LPAR5: variants seen among roughly 807,000 people sequenced by gnomAD.
The protein encoded by LPAR5 is lysophosphatidic acid receptor 5.
For synonymous variants in LPAR5, 271 were observed against 261.6 expected (o/e 1.04, Z -0.35); for missense variants, 544 against 521.8 (o/e 1.04, Z -0.41).
At chr12:6,633,644 C>T (rs1592303346) in intron 1 of LPAR5, among the ~76,000 whole-genome samples, 1 of 152,162 alleles carries the variant, frequency 6.6e-6, no homozygotes, top group Non-Finnish European at 1.5e-5. Flanking sequence ...AATGCCTGAC[C>T]TCAGGTGATC....
intron 1 of LPAR5, among the ~76,000 whole-genome samples, chr12:6,633,408 T>C (rs908755490): frequency 1.3e-5 from 2 of 151,172 alleles, no homozygotes; most frequent in Admixed American, 1.3e-4. Flanking sequence ...TTCTCCTGGG[T>C]TTTGTTTTTT....
In LPAR5 at chr12:6,620,460, C is replaced by T; in HGVS notation, c.789G>A (p.Lys263=). ...GGGCAGGCACGCTGGCCGCCACCAG[C>T]TTGCTCCGCAGCAGCCCGTAGACCG... The part of the protein sequence containing the change: ...TLAVYGLLRS[K]LVAASVPARD... Residue 263 remains lysine (K), a synonymous_variant, in exon 2 of 2, where the codon AAG becomes AAA. Coordinates refer to ENST00000329858, the MANE Select transcript of LPAR5 (RefSeq NM_020400.6). This position sits in a 1 kb window ranked among gnomAD's most constrained non-coding sequence, Gnocchi z 6.8. The T allele has an allele frequency of 6.3e-7, 1 of 1,592,524 alleles. No homozygotes were observed. The highest frequency in any genetic ancestry group is 8.5e-7 in the Non-Finnish European group (1 of 1,169,784).
At position 6,619,829 on chromosome 12, in the gene LPAR5, G is replaced by C. The variant is rs1280696615; in HGVS notation, c.*301C>G. On this transcript the variant is annotated 3_prime_UTR_variant, in exon 2 of 2. Transcript: ENST00000329858. Reference sequence around the variant, plus strand: ...TCTAACCAGCTTTTAGCAGTTTAATGCCCTGCCCACCCAAAGGCATTTCGT... The same window carrying C: ...TCTAACCAGCTTTTAGCAGTTTAATCCCCTGCCCACCCAAAGGCATTTCGT... The C allele has an allele frequency of 1.8e-6, 1 of 556,140 alleles. No homozygotes were observed. Among genetic ancestry groups the C allele is most frequent in the African/African-American group, 1.9e-5 (1 of 53,868 alleles). The allele number at this position is 556,140 out of a possible 1,614,324, so 34.5% of individuals were successfully genotyped here.
intron 1 of LPAR5, among the ~76,000 whole-genome samples, chr12:6,630,374 C>T (rs1393988382): frequency 6.8e-6 from 1 of 147,138 alleles, no homozygotes; most frequent in South Asian, 2.2e-4. Context: ...CTGCAGACCT[C>T]GGCTTCCCAA....
Position 6,620,452 on chromosome 12 carries a change from G to C in LPAR5, c.797C>G (p.Ala266Gly). Reference sequence around the variant, plus strand: ...GCGATCGCGGGCAGGCACGCTGGCCGCCACCAGCTTGCTCCGCAGCAGCCC... The same window carrying C: ...GCGATCGCGGGCAGGCACGCTGGCCCCCACCAGCTTGCTCCGCAGCAGCCC... ...VYGLLRSKLV[A>G]ASVPARDRVR... The change falls in exon 2 of 2, where the codon GCG becomes GGG. Residue 266 changes from alanine (A) to glycine (G), a missense_variant. Physicochemically the swap from Ala to Gly is moderately conservative, Grantham distance 60. Transcript: ENST00000329858. The surrounding 1 kb of genome is among the most constrained non-coding windows in gnomAD (Gnocchi z 6.8). 1 of 1,594,104 alleles carries C rather than the reference G, an allele frequency of 6.3e-7. No individual in the cohort carries two copies. Among genetic ancestry groups the C allele is most frequent in the Non-Finnish European group, 8.5e-7 (1 of 1,170,778 alleles).
At position 6,620,221 on chromosome 12, in the gene LPAR5, C is replaced by G. The variant is rs1565628786; in HGVS notation, c.1028G>C (p.Arg343Thr). 6 of 1,612,384 alleles carry G rather than the reference C, an allele frequency of 3.7e-6. No individual in the cohort carries two copies. Among genetic ancestry groups the G allele is most frequent in the East Asian group, 2.2e-5 (1 of 44,850 alleles). ...ERSAVTTDAT[R>T]PDAASQGLLR... is the part of the protein sequence containing the mutation. ...CAGCCCCTGACTGGCGGCATCCGGC[C>G]TGGTGGCGTCGGTGGTGACGGCGGA... Residue 343 changes from arginine to threonine, a missense_variant, in exon 2 of 2, where the codon AGG (arginine) becomes ACG (threonine). Coordinates refer to ENST00000329858, the MANE Select transcript of LPAR5 (RefSeq NM_020400.6). The surrounding 1 kb of genome is among the most constrained non-coding windows in gnomAD (Gnocchi z 6.8).
intron 1 of LPAR5, among the ~76,000 whole-genome samples, chr12:6,627,937 C>G (rs761680088): frequency 3.3e-5 from 5 of 150,246 alleles, no homozygotes; most frequent in Non-Finnish European, 5.9e-5. Flanking sequence ...CCTTAAAAGA[C>G]CTGTTTGGAA....
rs1184987539 is a variant in LPAR5 at position 6,620,906 on chromosome 12, T to C, written c.343A>G (p.Ile115Val). 9 of 1,595,016 alleles carry C rather than the reference T, an allele frequency of 5.6e-6. No homozygotes were observed. Among genetic ancestry groups the C allele is most frequent in the South Asian group, 2.3e-5 (2 of 88,510 alleles). The change falls in exon 2 of 2, where the codon ATC (isoleucine) becomes GTC (valine). Residue 115 changes from isoleucine (I) to valine (V), a missense_variant. Coordinates refer to ENST00000329858, the MANE Select transcript of LPAR5 (RefSeq NM_020400.6). The surrounding 1 kb of genome is among the most constrained non-coding windows in gnomAD (Gnocchi z 6.8). Reference protein sequence around the residue: ...MYGSCIFLMLINVDRYAAIVH... With the variant: ...MYGSCIFLMLVNVDRYAAIVH... ...ATGGCGGCGTAGCGGTCCACGTTGA[T>C]GAGCATCAGGAAGATGCAGCTGCCG...
chr12:6,623,247 A>G (rs1275433958), intron 1 of LPAR5, among the ~76,000 whole-genome samples: 1 of 150,022 alleles, frequency 6.7e-6, no homozygotes, highest in South Asian at 2.1e-4. Flanking sequence ...CAAAAAAAAA[A>G]AAAGGCGGCT....
intron 1 of LPAR5, among the ~76,000 whole-genome samples, chr12:6,632,496 A>C (rs1157278115): frequency 1.3e-5 from 2 of 152,144 alleles, no homozygotes; most frequent in Non-Finnish European, 2.9e-5. Flanking sequence ...TGAATTAGCG[A>C]AGCCTACTTC....
rs768651582 is a variant in LPAR5, at chr12:6,620,668, A to G, written c.581T>C (p.Leu194Pro). 6.4e-7 allele frequency: 1 copy of G among 1,561,508 alleles called. No individual in the cohort carries two copies. Among genetic ancestry groups the G allele is most frequent in the Non-Finnish European group, 8.7e-7 (1 of 1,153,020 alleles). ...CAGCAGGAAGCCCAGCGCCTCGGCC[A>G]GCAGCACGAGGGGCAGCAGCCTGCC... ...WKGRLLPLVL[L>P]AEALGFLLPL... is the part of the protein sequence containing the mutation. The change falls in exon 2 of 2, where the codon CTG becomes CCG. Residue 194 changes from leucine to proline, a missense_variant. Transcript: ENST00000329858. The surrounding 1 kb of genome is among the most constrained non-coding windows in gnomAD (Gnocchi z 6.8).
chr12:6,631,130 T>C (rs1479936954), intron 1 of LPAR5, among the ~76,000 whole-genome samples: 2 of 152,098 alleles, frequency 1.3e-5, no homozygotes, highest in Non-Finnish European at 2.9e-5. Context: ...AGGAGGGACA[T>C]GGAGGCCCCC....
intron 1 of LPAR5, among the ~76,000 whole-genome samples, chr12:6,624,872 G>A (rs963638259): frequency 1.3e-5 from 2 of 151,610 alleles, no homozygotes; most frequent in South Asian, 2.1e-4. Context: ...CACCCGGCTC[G>A]GCCTCCCAAA....
chr12:6,633,455 T>C (rs1238595413), intron 1 of LPAR5, among the ~76,000 whole-genome samples: 12 of 151,706 alleles, frequency 7.9e-5, no homozygotes, highest in Non-Finnish European at 1.2e-4. Context: ...CTGTGTTACC[T>C]AGGCTGGAGT....
chr12:6,632,430 G>A (rs1948985618), intron 1 of LPAR5, among the ~76,000 whole-genome samples: 1 of 152,168 alleles, frequency 6.6e-6, no homozygotes, highest in Non-Finnish European at 1.5e-5. Flanking sequence ...TGGCCCATCA[G>A]TGTCTCAGCC....
chr12:6,633,720 T>C lies in LPAR5; in HGVS notation c.-217+2187A>G, dbSNP rs1402577324. 3.9e-5 allele frequency among the ~76,000 whole-genome samples: 6 copies of C among 151,966 alleles called. No homozygotes were observed. The East Asian group carries it at 1.2e-3, about 30-fold the overall frequency. On this transcript the variant is annotated intron_variant, in intron 1 of 1. Coordinates refer to ENST00000329858, the MANE Select transcript of LPAR5 (RefSeq NM_020400.6). Reference sequence around the variant, plus strand: ...GAGCCACTGTGCCCGGCCATTCTCCTGGGCTTTTTAAAATGCCCCTGGGCA... The same window carrying C: ...GAGCCACTGTGCCCGGCCATTCTCCCGGGCTTTTTAAAATGCCCCTGGGCA...
chr12:6,619,960 G>T lies in LPAR5; in HGVS notation c.*170C>A. On this transcript the variant is annotated 3_prime_UTR_variant, in exon 2 of 2. Coordinates refer to ENST00000329858, the MANE Select transcript of LPAR5 (RefSeq NM_020400.6). ...TAAAGAAGCCATTTCCAGCAGCACT[G>T]CCTTCCCTGGGCCCTGGCTTCCACA... 1.1e-6 allele frequency: 1 copy of T among 916,842 alleles called. No individual in the cohort carries two copies. Among genetic ancestry groups the T allele is most frequent in the Non-Finnish European group, 1.7e-6 (1 of 571,926 alleles). 56.8% of individuals were successfully genotyped at this position (916,842 alleles called of 1,614,324 possible).
intron 1 of LPAR5, among the ~76,000 whole-genome samples, chr12:6,630,302 T>C (rs1948972946): frequency 6.6e-6 from 1 of 151,758 alleles, no homozygotes; most frequent in Non-Finnish European, 1.5e-5. Context: ...TTTTGTGTTT[T>C]CAGTAGAAAT....
intron 1 of LPAR5, among the ~76,000 whole-genome samples, chr12:6,632,036 A>G (rs2136245349): frequency 6.6e-6 from 1 of 152,100 alleles, no homozygotes; most frequent in South Asian, 2.1e-4. Context: ...CAACGGTGCA[A>G]TCTCAGCTCA....
Sources: allele counts gnomAD v4.1 joint callset (sites outside exome capture counted in the v4.1 genomes callset), GRCh38; gene constraint gnomAD v4.1.1; non-coding constraint Gnocchi (gnomAD v3.1); transcripts MANE v1.5; gene names NCBI Gene and HGNC (gene_info 2026-07-23, HGNC 2026-07-21).